The following SMG6 variants were observed in gnomAD, a reference collection of about 807,000 sequenced individuals.
SMG6 encodes the protein SMG6 nonsense mediated mRNA decay factor.
A neutral mutation model predicts 142.2 loss-of-function variants in SMG6; 66 were observed. That is an observed-to-expected ratio of 0.46 (90% confidence interval 0.38 to 0.57). SMG6 has a LOEUF of 0.57. Ranked by LOEUF, SMG6 falls within the 20% of genes least tolerant of loss-of-function variation. The probability of loss-of-function intolerance (pLI) is 0.00; values close to 1 mark genes in which losing one functional copy is unlikely to be tolerated. For missense variants in SMG6, 1,793 were observed against 1,832.0 expected (o/e 0.98, Z 0.39); for synonymous variants, 779 against 702.4 (o/e 1.11, Z -1.72).
intron 10 of SMG6, among the ~76,000 whole-genome samples, chr17:2,222,650 T>C (rs977204609): frequency 1.3e-5 from 2 of 150,032 alleles, no homozygotes; most frequent in African/African-American, 4.9e-5. Context: ...TGAAGGATTT[T>C]GAACACAGCA....
intron 13 of SMG6, among the ~76,000 whole-genome samples, chr17:2,129,718 C>T (rs1333236462): frequency 1.5e-5 from 2 of 135,338 alleles, no homozygotes; most frequent in Admixed American, 9.0e-5. Context: ...CGCTTGAACC[C>T]AGGAGGTGGA....
At chr17:2,081,993 CAGTT>C (rs759720343) in intron 14 of SMG6, 37 bp from the exon 15 acceptor site, 2 of 1,611,990 alleles carry the variant, frequency 1.2e-6, no homozygotes, top group Non-Finnish European at 1.7e-6. Flanking sequence ...AAAGAGGAGA[CAGTT>C]AGCTGGGCCC....
rs779159413 is a variant in SMG6, at chr17:2,299,914, C to T, written c.839G>A (p.Arg280His). The T allele has an allele frequency of 8.1e-6, 13 of 1,614,010 alleles. No individual in the cohort carries two copies. The highest frequency in any genetic ancestry group is 4.5e-5 in the East Asian group (2 of 44,892). Reference protein sequence around the residue: ...GAGLTDNGCRRRRQDRTKERP... With the variant: ...GAGLTDNGCRHRRQDRTKERP... ...CTCCTTGGTCCTATCCTGTCGGCGG[C>T]GGCGACATCCATTATCCGTCAGGCC... Residue 280 changes from arginine to histidine, a missense_variant, in exon 2 of 19, where the codon CGC becomes CAC. Transcript: ENST00000263073. This position sits in a 1 kb window ranked among gnomAD's most constrained non-coding sequence, Gnocchi z 4.3.
chr17:2,194,924 G>A (rs1345502670), intron 10 of SMG6, among the ~76,000 whole-genome samples: 1 of 152,152 alleles, frequency 6.6e-6, no homozygotes, highest in Non-Finnish European at 1.5e-5. Flanking sequence ...CCTGGAGGGA[G>A]AGAGGTATGT....
chr17:2,102,262 C>A (rs569758698), intron 13 of SMG6, among the ~76,000 whole-genome samples: 49 of 152,122 alleles, frequency 3.2e-4, no homozygotes, highest in Admixed American at 3.2e-3. Flanking sequence ...TTTATGAATA[C>A]AATGTATAAT....
intron 9 of SMG6, among the ~76,000 whole-genome samples, chr17:2,240,617 C>A (rs917965890): frequency 6.6e-6 from 1 of 152,188 alleles, no homozygotes; most frequent in Non-Finnish European, 1.5e-5. Flanking sequence ...GATCTTGTAA[C>A]TAGTAAGTGG....
chr17:2,298,196 G>C, intron 2 of SMG6, 141 bp from the exon 3 acceptor site: 1 of 679,142 alleles, frequency 1.5e-6, no homozygotes, highest in Non-Finnish European at 2.4e-6. Context: ...ACTCACTCTG[G>C]TTTCCATTCT....
intron 13 of SMG6, chr17:2,088,787 AC>A: frequency 1.0e-6 from 1 of 985,282 alleles, no homozygotes; most frequent in Non-Finnish European, 1.2e-6. Flanking sequence ...GCACAGAGAA[AC>A]CTTCTGTCTG....
intron 13 of SMG6, among the ~76,000 whole-genome samples, chr17:2,126,780 G>A (rs1455430195): frequency 6.6e-6 from 1 of 150,726 alleles, no homozygotes; most frequent in Admixed American, 6.6e-5. Flanking sequence ...CATCAAAGGT[G>A]GAAACTCACA....
rs138219246 is a variant in SMG6 at position 2,233,811 on chromosome 17, G to A, written c.2869+2681C>T. On this transcript the variant is annotated intron_variant, in intron 10 of 18. Coordinates refer to ENST00000263073, the MANE Select transcript of SMG6 (RefSeq NM_017575.5). ...CATCTTCCCACCAGCCAGCCCTGCC[G>A]AGCACTCTGCTCGCCCCTGTCCCAA... Among the ~76,000 whole-genome samples the A allele has an allele frequency of 1.2e-3, 177 of 152,254 alleles. 1 individual carries two copies. The highest frequency in any genetic ancestry group is 1.6e-3 in the Non-Finnish European group (108 of 68,006).
chr17:2,144,656 T>C (rs1009118605), intron 13 of SMG6, among the ~76,000 whole-genome samples: 13 of 152,200 alleles, frequency 8.5e-5, no homozygotes, highest in African/African-American at 3.1e-4. Context: ...CAGAGAGGAC[T>C]TGTCTTTGCT....
Position 2,186,817 on chromosome 17 carries a change from G to A in SMG6, c.3001C>T (p.Pro1001Ser). Residue 1001 changes from proline (P) to serine (S), a missense_variant, in exon 12 of 19, where the codon CCT becomes TCT. Coordinates refer to ENST00000263073, the MANE Select transcript of SMG6 (RefSeq NM_017575.5). ...KESAKAQLSSPEDQDDQDDIK... is the reference protein window; with the variant it reads ...KESAKAQLSSSEDQDDQDDIK... ...TCGTCTTGGTCATCCTGGTCCTCAGGAGAGGACAGCTGAGCTGCAGAGGCA... is the reference window on the plus strand; with the variant it reads ...TCGTCTTGGTCATCCTGGTCCTCAGAAGAGGACAGCTGAGCTGCAGAGGCA... 1.9e-6 allele frequency: 3 copies of A among 1,614,164 alleles called. No homozygotes were observed. The highest frequency in any genetic ancestry group is 2.5e-6 in the Non-Finnish European group (3 of 1,180,020).
At chr17:2,249,102 C>T (rs553868243) in intron 8 of SMG6, among the ~76,000 whole-genome samples, 22 of 151,876 alleles carry the variant, frequency 1.4e-4, no homozygotes, top group African/African-American at 4.8e-4. Flanking sequence ...ACCGTGTTAG[C>T]CAGGATGGTC....
chr17:2,303,233 A>G (rs2151423836), intron 1 of SMG6: 1 of 1,026,744 alleles, frequency 9.7e-7, no homozygotes, highest in Non-Finnish European at 1.2e-6. Flanking sequence ...CCGACGTTAA[A>G]GCGGTGGCCG....
At chr17:2,240,777 C>T (rs763911746) in intron 9 of SMG6, among the ~76,000 whole-genome samples, 1 of 152,244 alleles carries the variant, frequency 6.6e-6, no homozygotes, top group Non-Finnish European at 1.5e-5. Flanking sequence ...ACAGAGCAGA[C>T]CATGCCTGGA....
intron 10 of SMG6, among the ~76,000 whole-genome samples, chr17:2,219,848 A>T (rs2073125507): frequency 1.3e-5 from 2 of 151,968 alleles, no homozygotes; most frequent in African/African-American, 4.8e-5. Flanking sequence ...AAGAAAAAAT[A>T]ATCTAGCATC....
At chr17:2,192,861 C>A (rs560782678) in intron 10 of SMG6, among the ~76,000 whole-genome samples, 7 of 152,158 alleles carry the variant, frequency 4.6e-5, no homozygotes, top group African/African-American at 1.7e-4. Flanking sequence ...TGTATAGGAA[C>A]GAGACAAAAA....
chr17:2,108,595 C>G lies in SMG6; in HGVS notation c.3358-22694G>C, dbSNP rs571050082. On this transcript the variant is annotated intron_variant, in intron 13 of 18. Transcript: ENST00000263073. ...GTAGTGAGCCGAGATTGTGTCACTG[C>G]ACTCCAGCCTGGGCCACAAAGCGAG... Among the ~76,000 whole-genome samples, 32 of 152,264 alleles carry G rather than the reference C, an allele frequency of 2.1e-4. 2 individuals are homozygous for G. The Middle Eastern group carries it at 0.024, about 113-fold the overall frequency.
At chr17:2,100,391 T>C (rs1567597889) in intron 13 of SMG6, among the ~76,000 whole-genome samples, 2 of 152,176 alleles carry the variant, frequency 1.3e-5, no homozygotes, top group African/African-American at 4.8e-5. Flanking sequence ...CAGTCTGGGC[T>C]TGAACTCCTG....
Sources: gnomAD v4.1 joint callset for allele counts (sites outside exome capture counted in the v4.1 genomes callset) on GRCh38, gnomAD v4.1.1 for gene constraint, Gnocchi (gnomAD v3.1) non-coding constraint, MANE v1.5 for transcripts, NCBI Gene and HGNC (gene_info 2026-07-23, HGNC 2026-07-21) for gene names.